Variants in CDH18 observed in about 807,000 individuals in gnomAD.
CDH18 encodes the protein cadherin 18, also known as cadherin-18.
Under a neutral mutation model 67.9 loss-of-function variants are expected in CDH18, and 31 were observed. The observed-to-expected ratio is 0.46, with a 90% CI of 0.34 to 0.62. The LOEUF is 0.62. Among genes scored for constraint, CDH18 ranks in the 20% least tolerant of loss-of-function variants. CDH18 has a pLI of 0.01. For missense variants in CDH18, 890 were observed against 975.5 expected (o/e 0.91, Z 1.17); for synonymous variants, 362 against 347.2 (o/e 1.04, Z -0.48).
chr5:19,969,725 A>G (rs1163458635), intron 2 of CDH18, among the ~76,000 whole-genome samples: 5 of 150,944 alleles, frequency 3.3e-5, no homozygotes, highest in African/African-American at 1.2e-4. Flanking sequence ...GGATAGCATT[A>G]GGAGATATAC....
intron 2 of CDH18, among the ~76,000 whole-genome samples, chr5:19,999,402 C>A (rs1322357487): frequency 6.6e-6 from 1 of 152,016 alleles, no homozygotes; most frequent in Non-Finnish European, 1.5e-5. Flanking sequence ...GAGTTTGAGA[C>A]CACCAGCCTG....
At chr5:19,544,681 G>A (rs943370054) in intron 8 of CDH18, among the ~76,000 whole-genome samples, 1 of 152,126 alleles carries the variant, frequency 6.6e-6, no homozygotes. Flanking sequence ...AAGTGATGGT[G>A]TCTGTCTTCT....
At chr5:20,236,847 T>C (rs986667381) in intron 2 of CDH18, among the ~76,000 whole-genome samples, 3 of 151,952 alleles carry the variant, frequency 2.0e-5, no homozygotes, top group Non-Finnish European at 1.5e-5. Flanking sequence ...GGTATTACCT[T>C]GACAAATATA....
At chr5:19,990,782 A>AAAAAAG (rs530841128), upstream of CDH18, among the ~76,000 whole-genome samples, 1 of 147,474 alleles carries the variant, frequency 6.8e-6, no homozygotes, top group African/African-American at 2.7e-5. Context: ...ACACAAAAGA[A>AAAAAAG]AAGAAGAAGA....
intron 1 of CDH18, among the ~76,000 whole-genome samples, chr5:20,458,489 G>A (rs1009043885): frequency 4.6e-5 from 7 of 151,930 alleles, no homozygotes; most frequent in South Asian, 4.2e-4. Context: ...GCGGTGGCAC[G>A]TGCCTGTAGA....
chr5:20,548,077 T>C (rs1057339176), intron 1 of CDH18, among the ~76,000 whole-genome samples: 4 of 151,516 alleles, frequency 2.6e-5, no homozygotes, highest in Admixed American at 2.6e-4. Context: ...ATGTTCATAC[T>C]ATATAGGGCC....
intron 1 of CDH18, chr5:20,305,108 GAGA>G: frequency 6.4e-7 from 1 of 1,554,450 alleles, no homozygotes. Flanking sequence ...TTTGCAGCAA[GAGA>G]ACCAAAGGCT....
intron 2 of CDH18, among the ~76,000 whole-genome samples, chr5:20,020,848 C>G (rs1010675812): frequency 6.6e-6 from 1 of 152,130 alleles, no homozygotes; most frequent in Non-Finnish European, 1.5e-5. Flanking sequence ...CCTAGTGTAG[C>G]TATGAGAAGA....
intron 2 of CDH18, among the ~76,000 whole-genome samples, chr5:19,897,059 AT>A (rs1789421995): frequency 6.6e-6 from 1 of 152,208 alleles, no homozygotes; most frequent in African/African-American, 2.4e-5. Flanking sequence ...AGAAAAGCAT[AT>A]TAATCATAAG....
At chr5:19,687,985 G>T (rs1299906462) in intron 5 of CDH18, among the ~76,000 whole-genome samples, 5 of 152,104 alleles carry the variant, frequency 3.3e-5, no homozygotes, top group African/African-American at 7.2e-5. Context: ...CCAAGGGCCT[G>T]GGAATCACCG....
chr5:20,253,538 T>A (rs549350930), intron 2 of CDH18, among the ~76,000 whole-genome samples: 5 of 152,304 alleles, frequency 3.3e-5, no homozygotes, highest in African/African-American at 9.6e-5. Context: ...AAGAGCTGAA[T>A]GATGTAATAA....
At chr5:19,880,498 T>A (rs974569327) in intron 2 of CDH18, among the ~76,000 whole-genome samples, 1 of 152,086 alleles carries the variant, frequency 6.6e-6, no homozygotes, top group East Asian at 1.9e-4. Flanking sequence ...AGGATAGATT[T>A]ATTTGACAGT....
chr5:19,512,021 T>C (rs1445525807), intron 10 of CDH18, among the ~76,000 whole-genome samples: 1 of 152,134 alleles, frequency 6.6e-6, no homozygotes, highest in Non-Finnish European at 1.5e-5. Context: ...CCCAGGACCA[T>C]GCTGCTTTGT....
intron 1 of CDH18, among the ~76,000 whole-genome samples, chr5:20,522,031 G>T (rs1185755201): frequency 2.0e-5 from 3 of 152,072 alleles, no homozygotes; most frequent in Non-Finnish European, 4.4e-5. Context: ...TTAAAATGAG[G>T]TATTCAAAGT....
chr5:19,804,388 A>G (rs1777826561), intron 3 of CDH18, among the ~76,000 whole-genome samples: 1 of 152,096 alleles, frequency 6.6e-6, no homozygotes, highest in Non-Finnish European at 1.5e-5. Flanking sequence ...ATTCTCCCAT[A>G]CCTAGGTAAT....
chr5:19,721,424 G>C lies in CDH18; in HGVS notation c.566C>G (p.Pro189Arg). The C allele has an allele frequency of 6.2e-7, 1 of 1,611,680 alleles. No homozygotes were observed. The highest frequency in any genetic ancestry group is 8.5e-7 in the Non-Finnish European group (1 of 1,178,128). Residue 189 changes from proline to arginine, a missense_variant, in exon 5 of 13, where the codon CCT (proline) becomes CGT (arginine). Physicochemically the swap from Pro to Arg is moderately radical, Grantham distance 103 (BLOSUM62 -2). Transcript: ENST00000382275. ...LQVTATDADDPTYGNSARVVY... is the reference protein window; with the variant it reads ...LQVTATDADDRTYGNSARVVY... Reference sequence around the variant, plus strand: ...CACCCGAGCGCTGTTTCCATAGGTAGGGTCATCTGCATCAGTAGCTGTCAC... The same window carrying C: ...CACCCGAGCGCTGTTTCCATAGGTACGGTCATCTGCATCAGTAGCTGTCAC...
intron 1 of CDH18, among the ~76,000 whole-genome samples, chr5:20,504,138 G>A (rs1754513122): frequency 6.6e-6 from 1 of 151,962 alleles, no homozygotes; most frequent in Admixed American, 6.6e-5. Flanking sequence ...CCTCACAGCA[G>A]AACTATTGGA....
intron 2 of CDH18, among the ~76,000 whole-genome samples, chr5:20,122,413 G>A (rs549559524): frequency 6.6e-6 from 1 of 152,260 alleles, no homozygotes; most frequent in South Asian, 2.1e-4. Flanking sequence ...AAAATGTTAT[G>A]TTTCATTGAA....
At chr5:20,374,900 T>C (rs994435434) in intron 1 of CDH18, among the ~76,000 whole-genome samples, 3 of 152,172 alleles carry the variant, frequency 2.0e-5, no homozygotes, top group Non-Finnish European at 4.4e-5. Flanking sequence ...TGGAGTAAAC[T>C]TAGTAAGTAG....
Sources: gnomAD v4.1 joint callset for allele counts (sites outside exome capture counted in the v4.1 genomes callset) on GRCh38, gnomAD v4.1.1 for gene constraint, MANE v1.5 for transcripts, NCBI Gene and HGNC (gene_info 2026-07-23, HGNC 2026-07-21) for gene names.